Variants in ANO5 observed in about 807,000 individuals in gnomAD.
The protein encoded by ANO5 is anoctamin-5.
In ANO5, 109 loss-of-function variants were observed where a neutral mutation model predicts 121.0. That is an observed-to-expected ratio of 0.90 (90% confidence interval 0.77 to 1.06). ANO5 has a LOEUF of 1.06. Among genes scored for constraint, ANO5 ranks in the 50% least tolerant of loss-of-function variants. The pLI is 0.00. For missense variants in ANO5, 1,064 were observed against 1,078.5 expected (o/e 0.99, Z 0.19); for synonymous variants, 406 against 359.9 (o/e 1.13, Z -1.45).
intron 12 of ANO5, among the ~76,000 whole-genome samples, chr11:22,251,297 G>A (rs1301444012): frequency 6.6e-6 from 1 of 152,104 alleles, no homozygotes; most frequent in Non-Finnish European, 1.5e-5. Context: ...TTAAAAACAG[G>A]CTCAAAAAAT....
intron 11 of ANO5, 34 bp downstream of exon 11, chr11:22,250,880 G>A (rs1344249826): frequency 1.2e-6 from 2 of 1,609,590 alleles, no homozygotes. Context: ...GAAAAGACTT[G>A]GAATTTTCCT....
intron 16 of ANO5, among the ~76,000 whole-genome samples, 155 bp from the exon 17 acceptor site, chr11:22,262,791 G>A (rs1488060496): frequency 6.6e-6 from 1 of 152,214 alleles, no homozygotes. Context: ...GCACTGGTCT[G>A]TGATCAGGTT....
intron 2 of ANO5, among the ~76,000 whole-genome samples, chr11:22,208,102 C>T (rs1590220244): frequency 6.6e-6 from 1 of 151,998 alleles, no homozygotes; most frequent in South Asian, 2.1e-4. Context: ...GATACAGTCA[C>T]TCTGGAAAAC....
At chr11:22,253,447 G>A (rs1853892339) in intron 12 of ANO5, among the ~76,000 whole-genome samples, 3 of 152,106 alleles carry the variant, frequency 2.0e-5, no homozygotes, top group Admixed American at 2.0e-4. Flanking sequence ...AGTTTTAGCA[G>A]TATGTATATG....
At chr11:22,222,787 T>C (rs976835735) in intron 5 of ANO5, among the ~76,000 whole-genome samples, 1 of 152,028 alleles carries the variant, frequency 6.6e-6, no homozygotes, top group African/African-American at 2.4e-5. Context: ...TGACTGACTT[T>C]ACCTTGTATT....
At chr11:22,269,583 GAA>G (rs1430947308) in intron 17 of ANO5, among the ~76,000 whole-genome samples, 1 of 151,668 alleles carries the variant, frequency 6.6e-6, no homozygotes, top group Non-Finnish European at 1.5e-5. Context: ...AAAAAAGAAA[GAA>G]AGAGAAAGAA....
At chr11:22,277,248 A>C (rs1854891477) in intron 21 of ANO5, among the ~76,000 whole-genome samples, 1 of 151,640 alleles carries the variant, frequency 6.6e-6, no homozygotes, top group South Asian at 2.1e-4. Flanking sequence ...CAATAATTAA[A>C]GCATATTTTT....
At chr11:22,204,677 T>G (rs538641698) in intron 2 of ANO5, among the ~76,000 whole-genome samples, 1 of 152,156 alleles carries the variant, frequency 6.6e-6, no homozygotes, top group Admixed American at 6.6e-5. Context: ...ATGGCTATTG[T>G]TAAAAAAATC....
chr11:22,219,891 A>ATT (rs5790244), intron 4 of ANO5, among the ~76,000 whole-genome samples: 93,671 of 138,994 alleles, frequency 0.67, 32,796 homozygotes, highest in Non-Finnish European at 0.79. Flanking sequence ...GGTTCCCTAG[A>ATT]TTTTTTTTTT....
chr11:22,225,960 T>G, intron 5 of ANO5, 24 bp from the exon 6 acceptor site: 1 of 1,548,364 alleles, frequency 6.5e-7, no homozygotes, highest in Non-Finnish European at 8.9e-7. Flanking sequence ...TCTGCATAAT[T>G]CTGTTGATTT....
At chr11:22,219,116 A>C (rs928988406) in intron 4 of ANO5, among the ~76,000 whole-genome samples, 5 of 152,112 alleles carry the variant, frequency 3.3e-5, no homozygotes, top group African/African-American at 1.2e-4. Context: ...TTTTATTAGT[A>C]GTCCTGAGAC....
intron 1 of ANO5, among the ~76,000 whole-genome samples, chr11:22,199,754 G>A (rs183381942): frequency 5.9e-4 from 89 of 152,122 alleles, no homozygotes; most frequent in Non-Finnish European, 1.0e-3. Flanking sequence ...GATGTGTTGT[G>A]TTTTGGTTGA....
rs7104758 is a variant in ANO5, at chr11:22,250,219, T to C, written c.879-18T>C. 17,773 of 1,557,140 alleles carry C rather than the reference T, an allele frequency of 0.011. 1,643 individuals carry two copies. In the African/African-American group the frequency reaches 0.21, roughly 18 times the overall value. On this transcript the variant is annotated intron_variant, in intron 9 of 21. Transcript: ENST00000324559. ...ACATTCTTCCATATTCTGATTCTGT[T>C]TTTACTCTTTTTCACAGGAATTATT...
intron 7 of ANO5, among the ~76,000 whole-genome samples, chr11:22,232,322 G>T (rs867844581): frequency 6.6e-6 from 1 of 151,788 alleles, no homozygotes; most frequent in Non-Finnish European, 1.5e-5. Flanking sequence ...ATCTAGATAC[G>T]CAATTTTGTG....
chr11:22,272,871 G>C lies in ANO5; in HGVS notation c.2117G>C (p.Arg706Pro). ...LALINNIVEI[R>P]VDAWKLTTQY... is the part of the protein sequence containing the mutation. ...CTCATAAATAATATTGTAGAGATTC[G>C]AGTGGATGCCTGGAAACTTACCACT... The change falls in exon 19 of 22, where the codon CGA becomes CCA. Residue 706 changes from arginine to proline, a missense_variant. Arg to Pro is a moderately radical substitution (Grantham distance 103). Coordinates refer to ENST00000324559, the MANE Select transcript of ANO5 (RefSeq NM_213599.3). The C allele has an allele frequency of 1.2e-6, 2 of 1,613,858 alleles. No homozygotes were observed. The highest frequency in any genetic ancestry group is 1.7e-6 in the Non-Finnish European group (2 of 1,179,966).
intron 21 of ANO5, among the ~76,000 whole-genome samples, chr11:22,278,951 G>A (rs1432004267): frequency 2.0e-5 from 3 of 151,382 alleles, no homozygotes; most frequent in African/African-American, 7.3e-5. Context: ...CAGCTTTGTG[G>A]TATAATTTCT....
At chr11:22,257,655 C>T (rs760068290) in intron 13 of ANO5, 25 bp from the exon 14 acceptor site, 2 of 1,569,908 alleles carry the variant, frequency 1.3e-6, no homozygotes, top group South Asian at 2.2e-5. Context: ...TTTTGAATTT[C>T]TTTGTGATTT....
chr11:22,205,871 A>G (rs1206164374), intron 2 of ANO5, among the ~76,000 whole-genome samples: 1 of 152,134 alleles, frequency 6.6e-6, no homozygotes, highest in Non-Finnish European at 1.5e-5. Context: ...CTAAGATGAA[A>G]CGGACCAATT....
chr11:22,248,332 T>C (rs186793656), intron 9 of ANO5, among the ~76,000 whole-genome samples: 4 of 152,168 alleles, frequency 2.6e-5, no homozygotes, highest in Admixed American at 1.3e-4. Flanking sequence ...ATATGGCATA[T>C]TTTTCTAAAA....
Sources: allele counts gnomAD v4.1 joint callset (sites outside exome capture counted in the v4.1 genomes callset), GRCh38; gene constraint gnomAD v4.1.1; transcripts MANE v1.5; gene names NCBI Gene and HGNC (gene_info 2026-07-23, HGNC 2026-07-21).